Variants in COL24A1 observed in about 807,000 individuals in gnomAD.
The protein encoded by COL24A1 is collagen type XXIV alpha 1 chain.
COL24A1 carries 224 observed loss-of-function variants against 253.9 expected under a neutral mutation model. The observed-to-expected ratio is 0.88, with a 90% CI of 0.79 to 0.99. The LOEUF (loss-of-function observed/expected upper bound fraction) is 0.99, where lower values mean the gene tolerates loss of function less well. Ranked by LOEUF, COL24A1 falls within the 50% of genes least tolerant of loss-of-function variation. The probability of loss-of-function intolerance (pLI) is 0.00; values close to 1 mark genes in which losing one functional copy is unlikely to be tolerated. For synonymous variants in COL24A1, 685 were observed against 673.7 expected (o/e 1.02, Z -0.26); for missense variants, 2,131 against 2,068.5 (o/e 1.03, Z -0.59).
chr1:86,129,006 A>G (rs1201283115), intron 2 of COL24A1, among the ~76,000 whole-genome samples: 1 of 151,834 alleles, frequency 6.6e-6, no homozygotes, highest in Admixed American at 6.6e-5. Context: ...AATTTCAGTA[A>G]CCTTTGAAAT....
chr1:86,012,969 T>C (rs180829697), intron 19 of COL24A1, among the ~76,000 whole-genome samples: 1,525 of 152,230 alleles, frequency 0.01, 10 homozygotes, highest in Non-Finnish European at 0.015. Context: ...GTGGTGGTGG[T>C]GGCAGCTAAT....
chr1:85,738,134 G>C (rs1414873057), intron 57 of COL24A1, among the ~76,000 whole-genome samples: 2 of 152,052 alleles, frequency 1.3e-5, no homozygotes, highest in East Asian at 1.9e-4. Flanking sequence ...GCAACTAAAA[G>C]TGAATTGTTT....
At chr1:86,139,127 C>G (rs1650700838) in intron 2 of COL24A1, among the ~76,000 whole-genome samples, 1 of 141,166 alleles carries the variant, frequency 7.1e-6, no homozygotes, top group Admixed American at 7.4e-5. Flanking sequence ...GTAAGCAGCA[C>G]TGATGTTGTT....
intron 14 of COL24A1, among the ~76,000 whole-genome samples, chr1:86,030,761 T>TG (rs1698497476): frequency 6.6e-6 from 1 of 151,624 alleles, no homozygotes; most frequent in Non-Finnish European, 1.5e-5. Context: ...TTTTTTTTTT[T>TG]TTTTGTTGTT....
Position 86,125,171 on chromosome 1 carries a change from G to C in COL24A1, c.1165C>G (p.Leu389Val), listed in dbSNP as rs191547642. 7 of 1,613,256 alleles carry C rather than the reference G, an allele frequency of 4.3e-6. No individual in the cohort carries two copies. Among genetic ancestry groups the C allele is most frequent in the African/African-American group, 1.3e-5 (1 of 75,000 alleles). ...AGAATAGATGGCATCTTCTTAAACAGTGACAGACCAGTTACTCTATCATCA... is the reference window on the plus strand; with the variant it reads ...AGAATAGATGGCATCTTCTTAAACACTGACAGACCAGTTACTCTATCATCA... The part of the protein sequence containing the change: ...QHDDRVTGLS[L>V]FKKMPSILPQ... Residue 389 changes from leucine to valine, a missense_variant, in exon 3 of 60, where the codon CTG becomes GTG. By Grantham distance (32) the Leu-to-Val change is conservative (BLOSUM62 1). Coordinates refer to ENST00000370571, the MANE Select transcript of COL24A1 (RefSeq NM_152890.7).
At chr1:85,901,844 A>AAAAAAAAAAAAAC in intron 28 of COL24A1, among the ~76,000 whole-genome samples, 1 of 150,226 alleles carries the variant, frequency 6.7e-6, no homozygotes, top group Non-Finnish European at 1.5e-5. Context: ...AAAAAAAAAA[A>AAAAAAAAAAAAAC]AAAAAGAACT....
intron 28 of COL24A1, among the ~76,000 whole-genome samples, chr1:85,904,917 T>A (rs1684662530): frequency 1.3e-5 from 2 of 152,138 alleles, no homozygotes; most frequent in East Asian, 1.9e-4. Flanking sequence ...TTGCAGGGAA[T>A]CAGTAAATGT....
At chr1:85,894,089 A>G (rs1357149608) in intron 31 of COL24A1, among the ~76,000 whole-genome samples, 2 of 152,258 alleles carry the variant, frequency 1.3e-5, no homozygotes, top group Non-Finnish European at 2.9e-5. Context: ...ACTGTGCTGA[A>G]GGATCAAGTG....
At position 85,754,652 on chromosome 1, in the gene COL24A1, A is replaced by G. The variant is rs1158197293; in HGVS notation, c.4437+6744T>C. The stretch of plus-strand genomic sequence containing the variant: ...AATTATAGAAAAAAGAACCAAATAG[A>G]AATTCTGAAGTTAAAAAGTACAATA... On this transcript the variant is annotated intron_variant, in intron 55 of 59. Coordinates refer to ENST00000370571, the MANE Select transcript of COL24A1 (RefSeq NM_152890.7). Among the ~76,000 whole-genome samples the G allele has an allele frequency of 3.3e-4, 50 of 152,020 alleles. 2 individuals are homozygous for G. Among genetic ancestry groups the G allele is most frequent in the Admixed American group, 3.3e-3 (50 of 15,270 alleles).
chr1:85,994,961 C>G (rs1288837061), intron 19 of COL24A1, among the ~76,000 whole-genome samples: 1 of 152,136 alleles, frequency 6.6e-6, no homozygotes, highest in Non-Finnish European at 1.5e-5. Context: ...TTAGTGACTA[C>G]TGCTATTCAT....
rs766532181 is a variant in COL24A1, at chr1:85,895,838, T to C, written c.2922+20A>G. 11 of 1,598,726 alleles carry C rather than the reference T, an allele frequency of 6.9e-6. No individual in the cohort carries two copies. Among genetic ancestry groups the C allele is most frequent in the Non-Finnish European group, 7.7e-6 (9 of 1,172,678 alleles). The stretch of plus-strand genomic sequence containing the variant: ...ATGCAGATAAAAATTTTTCATAGCA[T>C]GATTTTTTAAATTACTTACTGGTTT... On this transcript the variant is annotated intron_variant, in intron 31 of 59. Coordinates refer to ENST00000370571, the MANE Select transcript of COL24A1 (RefSeq NM_152890.7).
rs1039540900 is a variant in COL24A1 at position 85,849,777 on chromosome 1, A to T, written c.3301-371T>A. Among the ~76,000 whole-genome samples the T allele has an allele frequency of 6.6e-5, 10 of 152,198 alleles. 1 individual carries two copies. On this transcript the variant is annotated intron_variant, in intron 37 of 59. Coordinates refer to ENST00000370571, the MANE Select transcript of COL24A1 (RefSeq NM_152890.7). Reference sequence around the variant, plus strand: ...CGTTTAACTAAAATAAAAAAGTATAAACCCAAAGGCATCCATCTCAGCATT... The same window carrying T: ...CGTTTAACTAAAATAAAAAAGTATATACCCAAAGGCATCCATCTCAGCATT...
At chr1:85,917,305 C>A (rs925348705) in intron 24 of COL24A1, among the ~76,000 whole-genome samples, 5 of 152,154 alleles carry the variant, frequency 3.3e-5, no homozygotes, top group African/African-American at 1.2e-4. Context: ...GGGCTAATGT[C>A]TGTATATAGA....
At chr1:85,763,492 C>CTTT (rs371408246) in intron 53 of COL24A1, among the ~76,000 whole-genome samples, 9 of 124,532 alleles carry the variant, frequency 7.2e-5, no homozygotes, top group African/African-American at 1.2e-4. Flanking sequence ...CTTTTACTTT[C>CTTT]TTTTTTTTTT....
intron 57 of COL24A1, among the ~76,000 whole-genome samples, chr1:85,740,538 C>A (rs1445037606): frequency 6.6e-6 from 1 of 152,042 alleles, no homozygotes; most frequent in Non-Finnish European, 1.5e-5. Flanking sequence ...TCACTGCAAC[C>A]TCCACCCCCT....
chr1:86,004,455 C>T (rs995603620), intron 19 of COL24A1, among the ~76,000 whole-genome samples: 3 of 152,072 alleles, frequency 2.0e-5, no homozygotes, highest in African/African-American at 7.2e-5. Context: ...CTAGAAGCAT[C>T]CAGCCTCACA....
chr1:85,738,009 C>T (rs1171800569), intron 57 of COL24A1, among the ~76,000 whole-genome samples: 2 of 152,138 alleles, frequency 1.3e-5, no homozygotes, highest in African/African-American at 2.4e-5. Context: ...GTATTTTTCA[C>T]ATAACTATCA....
chr1:85,910,362 G>A (rs1214929387), intron 25 of COL24A1, among the ~76,000 whole-genome samples: 27 of 151,834 alleles, frequency 1.8e-4, no homozygotes, highest in Admixed American at 1.8e-3. Flanking sequence ...AATAGTGAAA[G>A]TATCAAAGCA....
chr1:85,910,098 A>G (rs1685222771), intron 25 of COL24A1, 95 bp from the exon 26 acceptor site: 5 of 866,630 alleles, frequency 5.8e-6, no homozygotes, highest in Non-Finnish European at 9.1e-6. Context: ...ATCCAGAATC[A>G]TGTCTTACAT....
Sources: gnomAD v4.1 joint callset for allele counts (sites outside exome capture counted in the v4.1 genomes callset) on GRCh38, gnomAD v4.1.1 for gene constraint, MANE v1.5 for transcripts, NCBI Gene and HGNC (gene_info 2026-07-23, HGNC 2026-07-21) for gene names.